The following GNG12 variants were observed in gnomAD, a reference collection of about 807,000 sequenced individuals.
GNG12 encodes the protein G protein subunit gamma 12.
For synonymous variants in GNG12, 28 were observed against 29.7 expected (o/e 0.94, Z 0.19); for missense variants, 69 against 83.8 (o/e 0.82, Z 0.69).
intron 2 of GNG12, among the ~76,000 whole-genome samples, chr1:67,760,064 A>G (rs1455356405): frequency 6.6e-6 from 1 of 152,236 alleles, no homozygotes; most frequent in Non-Finnish European, 1.5e-5. Flanking sequence ...ATTTTACAGT[A>G]TCAAATACCA....
At chr1:67,774,516 C>T (rs541915191) in intron 2 of GNG12, among the ~76,000 whole-genome samples, 111 of 152,254 alleles carry the variant, frequency 7.3e-4, no homozygotes, top group African/African-American at 2.6e-3. Flanking sequence ...AGGGTGATGG[C>T]CTTGAACCAG....
intron 1 of GNG12, among the ~76,000 whole-genome samples, chr1:67,820,900 TAA>T (rs1646981041): frequency 6.6e-6 from 1 of 152,212 alleles, no homozygotes; most frequent in African/African-American, 2.4e-5. Flanking sequence ...ACTGTAGAAA[TAA>T]GTTTAATTGA....
intron 2 of GNG12, among the ~76,000 whole-genome samples, chr1:67,709,898 A>AGT (rs1646273056): frequency 2.8e-5 from 3 of 108,972 alleles, no homozygotes; most frequent in African/African-American, 1.2e-4. Flanking sequence ...AGTTATATAT[A>AGT]TATTTTTATA....
chr1:67,756,985 T>C (rs2100733247), intron 2 of GNG12, among the ~76,000 whole-genome samples: 1 of 152,360 alleles, frequency 6.6e-6, no homozygotes, highest in African/African-American at 2.4e-5. Context: ...CTCCATGCTA[T>C]AGTACGACTT....
At chr1:67,738,950 G>A (rs1646467676) in intron 2 of GNG12, among the ~76,000 whole-genome samples, 1 of 152,188 alleles carries the variant, frequency 6.6e-6, no homozygotes, top group African/African-American at 2.4e-5. Flanking sequence ...AGGCCAAGGT[G>A]GGCAAATCAC....
At chr1:67,792,536 C>T (rs1646807493) in intron 1 of GNG12, among the ~76,000 whole-genome samples, 1 of 152,184 alleles carries the variant, frequency 6.6e-6, no homozygotes, top group African/African-American at 2.4e-5. Context: ...TTTTACTAAG[C>T]ATCTGGCATG....
At chr1:67,706,894 A>G (rs1646252290) in intron 3 of GNG12, among the ~76,000 whole-genome samples, 1 of 152,122 alleles carries the variant, frequency 6.6e-6, no homozygotes, top group Non-Finnish European at 1.5e-5. Context: ...TCCCAACCTC[A>G]GGTGATCTGC....
chr1:67,749,669 C>T (rs865901595), intron 2 of GNG12, among the ~76,000 whole-genome samples: 2 of 152,166 alleles, frequency 1.3e-5, no homozygotes, highest in African/African-American at 2.4e-5. Flanking sequence ...TCAGGACAGA[C>T]TGGTTGATCT....
chr1:67,761,545 C>G (rs764121438), intron 2 of GNG12, among the ~76,000 whole-genome samples: 1 of 152,166 alleles, frequency 6.6e-6, no homozygotes, highest in Non-Finnish European at 1.5e-5. Context: ...AAACAGGGGG[C>G]ATCTTGTTCA....
At chr1:67,803,793 C>T (rs1363396533) in intron 1 of GNG12, among the ~76,000 whole-genome samples, 1 of 152,166 alleles carries the variant, frequency 6.6e-6, no homozygotes, top group Non-Finnish European at 1.5e-5. Flanking sequence ...GTTTAATTAT[C>T]ATAACCATGA....
At chr1:67,802,485 T>G (rs1336932307) in intron 1 of GNG12, among the ~76,000 whole-genome samples, 1 of 152,180 alleles carries the variant, frequency 6.6e-6, no homozygotes, top group Non-Finnish European at 1.5e-5. Flanking sequence ...GGCTCCAGAC[T>G]TCTGCATGCT....
intron 2 of GNG12, among the ~76,000 whole-genome samples, chr1:67,745,193 C>T (rs1482455255): frequency 7.9e-5 from 12 of 152,088 alleles, no homozygotes; most frequent in African/African-American, 2.9e-4. Flanking sequence ...GACAAATAAA[C>T]CAGGGTAATA....
At chr1:67,802,360 T>C (rs1646871339) in intron 1 of GNG12, among the ~76,000 whole-genome samples, 1 of 152,184 alleles carries the variant, frequency 6.6e-6, no homozygotes, top group Admixed American at 6.5e-5. Flanking sequence ...AGGACGCACC[T>C]ACTTAAAACC....
intron 2 of GNG12, among the ~76,000 whole-genome samples, chr1:67,710,986 C>A (rs2100674881): frequency 6.6e-6 from 1 of 152,312 alleles, no homozygotes; most frequent in Non-Finnish European, 1.5e-5. Context: ...ACCCCTTCTG[C>A]TTCAGGCATA....
At chr1:67,707,538 C>A in intron 3 of GNG12, 56 bp downstream of exon 3, 1 of 939,132 alleles carries the variant, frequency 1.1e-6, no homozygotes, top group Admixed American at 2.1e-5. Context: ...GGTCCAGCCA[C>A]AAGGAACAGG....
At chr1:67,763,137 A>G (rs1646616599) in intron 2 of GNG12, among the ~76,000 whole-genome samples, 1 of 76,064 alleles carries the variant, frequency 1.3e-5, no homozygotes, top group Non-Finnish European at 3.1e-5. Context: ...ATGAAGTTTT[A>G]CTCCTAAATA....
At chr1:67,807,260 A>T (rs1343592658) in intron 1 of GNG12, among the ~76,000 whole-genome samples, 1 of 152,092 alleles carries the variant, frequency 6.6e-6, no homozygotes, top group Non-Finnish European at 1.5e-5. Context: ...CACCTAATCA[A>T]AACTTATGGG....
chr1:67,770,013 A>G (rs1482619936), intron 2 of GNG12, among the ~76,000 whole-genome samples: 2 of 152,204 alleles, frequency 1.3e-5, no homozygotes, highest in Non-Finnish European at 2.9e-5. Context: ...CACCAGATGA[A>G]GGACCACTTT....
chr1:67,791,691 C>T (rs1646802572), intron 1 of GNG12, among the ~76,000 whole-genome samples: 1 of 152,140 alleles, frequency 6.6e-6, no homozygotes, highest in Admixed American at 6.5e-5. Flanking sequence ...CTCCTCTGCT[C>T]CCATCTGGGC....
Sources: gnomAD v4.1 joint callset for allele counts (sites outside exome capture counted in the v4.1 genomes callset) on GRCh38, gnomAD v4.1.1 for gene constraint, MANE v1.5 for transcripts, NCBI Gene and HGNC (gene_info 2026-07-23, HGNC 2026-07-21) for gene names.